TMEM198: variants seen among roughly 807,000 people sequenced by gnomAD.
The protein encoded by TMEM198 is transmembrane protein 198.
TMEM198 carries 21 observed loss-of-function variants against 31.5 expected under a neutral mutation model. That is an observed-to-expected ratio of 0.67 (90% CI 0.47 to 0.96). TMEM198 has a LOEUF of 0.96. Ranked by LOEUF, TMEM198 falls within the 40% of genes least tolerant of loss-of-function variation. The probability of loss-of-function intolerance (pLI) is 0.00; values close to 1 mark genes in which losing one functional copy is unlikely to be tolerated. For missense variants in TMEM198, 447 were observed against 499.4 expected (o/e 0.89, Z 1.00); for synonymous variants, 211 against 223.3 (o/e 0.95, Z 0.49).
At chr2:219,544,617 C>A in intron 1 of TMEM198, 72 bp from the exon 2 acceptor site, 1 of 1,317,792 alleles carries the variant, frequency 7.6e-7, no homozygotes, top group Non-Finnish European at 1.1e-6. Context: ...CTGAGTTCTC[C>A]CAATCCCTCT....
At position 219,550,113 on chromosome 2, in the gene TMEM198, G is replaced by A; in HGVS notation, c.*259G>A. The A allele has an allele frequency of 2.2e-6, 1 of 454,016 alleles. No individual in the cohort carries two copies. Among genetic ancestry groups the A allele is most frequent in the East Asian group, 3.5e-5 (1 of 28,528 alleles). The allele number at this position is 454,016 out of a possible 1,614,324, so 28.1% of individuals were successfully genotyped here. A position where few individuals can be genotyped will look rare whatever the true frequency, so the allele number is the denominator to read the frequency against. The stretch of plus-strand genomic sequence containing the variant: ...GCTCAGGGTTGTGAGTGTGTTGCCC[G>A]TGTGTCTGTGTGTATGTGTGTGGGG... On this transcript the variant is annotated 3_prime_UTR_variant, in exon 5 of 5. Transcript: ENST00000373883.
In TMEM198 at chr2:219,547,969, G is replaced by A; in HGVS notation, c.630G>A (p.Val210=). The A allele has an allele frequency of 1.3e-6, 2 of 1,588,518 alleles. No individual in the cohort carries two copies. The highest frequency in any genetic ancestry group is 1.1e-5 in the South Asian group (1 of 88,660). Residue 210 remains valine (V), a synonymous_variant, in exon 3 of 5, where the codon GTG becomes GTA. Transcript: ENST00000373883. ...TGGAGCGACTCCGGGCTGCTCCTGT[G>A]CCCCCACTCTGCTGGCGAAGCTGGG... ...YVVERLRAAP[V]PPLCWRSWAL...
At chr2:219,544,543 C>T (rs954862103) in intron 1 of TMEM198, 146 bp from the exon 2 acceptor site, 3 of 680,888 alleles carry the variant, frequency 4.4e-6, no homozygotes, top group Non-Finnish European at 7.4e-6. Context: ...TCTTTGCTCC[C>T]CACTCCAGAG....
At chr2:219,549,506 G>T in intron 4 of TMEM198, 152 bp downstream of exon 4, 1 of 1,252,640 alleles carries the variant, frequency 8.0e-7, no homozygotes, top group Non-Finnish European at 1.1e-6. Context: ...ATGCACCAGG[G>T]GCTTGGCGGG....
Position 219,549,810 on chromosome 2 carries a change from C to T in TMEM198, c.1039C>T (p.Arg347Trp), listed in dbSNP as rs200881491. ...AGATGCGGACTATGAGTATGGGTCC[C>T]GGGGACCTCTGACAGCCTGCTCAGG... The part of the protein sequence containing the change: ...PTDADYEYGS[R>W]GPLTACSGPP... Residue 347 changes from arginine (R) to tryptophan (W), a missense_variant, in exon 5 of 5, where the codon CGG (arginine) becomes TGG (tryptophan). Coordinates refer to ENST00000373883, the MANE Select transcript of TMEM198 (RefSeq NM_001005209.3). 1.4e-5 allele frequency: 22 copies of T among 1,614,058 alleles called. No homozygotes were observed. In the African/African-American group the frequency reaches 1.7e-4, roughly 13 times the overall value.
Position 219,544,039 on chromosome 2 carries a change from A to G in TMEM198, c.-378A>G, listed in dbSNP as rs1192971378. The G allele has an allele frequency of 8.2e-6, 3 of 367,148 alleles. No individual in the cohort carries two copies. Among genetic ancestry groups the G allele is most frequent in the African/African-American group, 6.4e-5 (3 of 46,756 alleles). 22.7% of individuals were successfully genotyped at this position (367,148 alleles called of 1,614,324 possible). A position where few individuals can be genotyped will look rare whatever the true frequency, so the allele number is the denominator to read the frequency against. On this transcript the variant is annotated 5_prime_UTR_variant, in exon 1 of 5. Coordinates refer to ENST00000373883, the MANE Select transcript of TMEM198 (RefSeq NM_001005209.3). ...GCGCCCTGAGTGACGTCAGGAGCAGAGGCCGGAGCTGTCCATCAGCACCAA... is the reference window on the plus strand; with the variant it reads ...GCGCCCTGAGTGACGTCAGGAGCAGGGGCCGGAGCTGTCCATCAGCACCAA...
chr2:219,544,267 G>T lies in TMEM198; in HGVS notation c.-150G>T, dbSNP rs918590740. 2.1e-6 allele frequency: 1 copy of T among 468,998 alleles called. No individual in the cohort carries two copies. The highest frequency in any genetic ancestry group is 4.4e-6 in the Non-Finnish European group (1 of 228,214). 29.1% of individuals were successfully genotyped at this position (468,998 alleles called of 1,614,324 possible). A position where few individuals can be genotyped will look rare whatever the true frequency, so the allele number is the denominator to read the frequency against. On this transcript the variant is annotated 5_prime_UTR_variant, in exon 1 of 5. An upstream open reading frame in the 5' UTR gains an earlier in-frame stop. Transcript: ENST00000373883. ...CCAGCAGCCCCCTTCCTCGCACGACGGACTTTCCCTGGACCCCAGTCAGTT... is the reference window on the plus strand; with the variant it reads ...CCAGCAGCCCCCTTCCTCGCACGACTGACTTTCCCTGGACCCCAGTCAGTT...
At position 219,550,030 on chromosome 2, in the gene TMEM198, CCTCCCAAG is replaced by C; in HGVS notation, c.*185_*192del. The C allele has an allele frequency of 1.2e-6, 1 of 854,412 alleles. No homozygotes were observed. 52.9% of individuals were successfully genotyped at this position (854,412 alleles called of 1,614,324 possible). A position where few individuals can be genotyped will look rare whatever the true frequency, so the allele number is the denominator to read the frequency against. On this transcript the variant is annotated 3_prime_UTR_variant, in exon 5 of 5. Coordinates refer to ENST00000373883, the MANE Select transcript of TMEM198 (RefSeq NM_001005209.3). ...GAGTCTTGGCCTGAGAGGAAAGCCC[CCTCCCAAG>C]CTCCCAAGAGGCTCCTGAGGAACTC...
At position 219,547,775 on chromosome 2, in the gene TMEM198, G is replaced by GT; in HGVS notation, c.437dup (p.Trp147ValfsTer43). On this transcript the variant is annotated frameshift_variant, in exon 3 of 5. Transcript: ENST00000373883. LOFTEE classifies it high-confidence loss of function. ...CGCACCCTACTACCAGCCAGGCTCC[G>GT]TGTGGGGTCCACTGGGGCTGTTGCT... 2.5e-6 allele frequency: 4 copies of GT among 1,594,136 alleles called. No individual in the cohort carries two copies. Among genetic ancestry groups the GT allele is most frequent in the Non-Finnish European group, 3.4e-6 (4 of 1,176,594 alleles).
intron 2 of TMEM198, chr2:219,547,262 C>A: frequency 2.5e-6 from 1 of 400,376 alleles, no homozygotes. Context: ...ATACATCAAC[C>A]CTCATGATCT....
In TMEM198 at chr2:219,544,099, T is replaced by A. The variant is rs761501307; in HGVS notation, c.-318T>A. On this transcript the variant is annotated 5_prime_UTR_variant, in exon 1 of 5. Coordinates refer to ENST00000373883, the MANE Select transcript of TMEM198 (RefSeq NM_001005209.3). ...GCGGGCTCAGGGCATGGGGCCGCGGTTCTGGGGCGGCCCGAGCCCCGGCTC... is the reference window on the plus strand; with the variant it reads ...GCGGGCTCAGGGCATGGGGCCGCGGATCTGGGGCGGCCCGAGCCCCGGCTC... The A allele has an allele frequency of 2.2e-6, 1 of 445,028 alleles. No homozygotes were observed. Among genetic ancestry groups the A allele is most frequent in the Non-Finnish European group, 4.5e-6 (1 of 221,558 alleles). 27.6% of individuals were successfully genotyped at this position (445,028 alleles called of 1,614,324 possible). A position where few individuals can be genotyped will look rare whatever the true frequency, so the allele number is the denominator to read the frequency against.
intron 2 of TMEM198, among the ~76,000 whole-genome samples, chr2:219,546,208 T>C (rs973972425): frequency 6.6e-6 from 1 of 152,188 alleles, no homozygotes; most frequent in Non-Finnish European, 1.5e-5. Context: ...TCTTTCTTTT[T>C]GGCTCTCTCT....
intron 2 of TMEM198, among the ~76,000 whole-genome samples, chr2:219,545,425 G>A (rs1175776933): frequency 7.9e-5 from 12 of 152,220 alleles, no homozygotes; most frequent in Admixed American, 7.8e-4. Context: ...CTACAAGGCA[G>A]GCTCCGGTAA....
Position 219,547,714 on chromosome 2 carries a change from C to G in TMEM198, c.375C>G (p.Leu125=). The G allele has an allele frequency of 6.3e-7, 1 of 1,578,836 alleles. No individual in the cohort carries two copies. The highest frequency in any genetic ancestry group is 8.6e-7 in the Non-Finnish European group (1 of 1,166,224). Residue 125 remains leucine, a synonymous_variant, in exon 3 of 5, where the codon CTC becomes CTG. Coordinates refer to ENST00000373883, the MANE Select transcript of TMEM198 (RefSeq NM_001005209.3). ...GCCTCTTCCTGGTGGGGCTGCTGCT[C>G]GGCCTGCTGCTCGCAGCTGCTGCCC... ...SVGLFLVGLL[L]GLLLAAAALL...
At chr2:219,547,196 A>C in intron 2 of TMEM198, 1 of 266,342 alleles carries the variant, frequency 3.8e-6, no homozygotes, top group Non-Finnish European at 7.1e-6. Context: ...CAAAGACACC[A>C]ATGCACGAAT....
chr2:219,549,171 C>G lies in TMEM198; in HGVS notation c.762C>G (p.Arg254=). ...CCACAGTGGTCATCAGCCGGCAGCGCCGACGCGTGCAACTGATGCGGATTC... is the reference window on the plus strand; with the variant it reads ...CCACAGTGGTCATCAGCCGGCAGCGGCGACGCGTGCAACTGATGCGGATTC... ...SHTEVVISRQ[R]RRVQLMRIRQ... The change falls in exon 4 of 5, where the codon CGC becomes CGG. Residue 254 remains arginine (R), a synonymous_variant. Coordinates refer to ENST00000373883, the MANE Select transcript of TMEM198 (RefSeq NM_001005209.3). The G allele has an allele frequency of 6.2e-7, 1 of 1,613,950 alleles. No homozygotes were observed. The highest frequency in any genetic ancestry group is 8.5e-7 in the Non-Finnish European group (1 of 1,180,020).
chr2:219,549,117 TC>T (rs1695468556), intron 3 of TMEM198, 34 bp from the exon 4 acceptor site: 2 of 1,611,660 alleles, frequency 1.2e-6, no homozygotes, highest in Admixed American at 3.3e-5. Flanking sequence ...AGGCGCACCG[TC>T]CTCTGAGCTC....
rs1021968141 is a variant in TMEM198, at chr2:219,544,094, C to A, written c.-323C>A. 4.6e-6 allele frequency: 2 copies of A among 436,986 alleles called. No homozygotes were observed. Among genetic ancestry groups the A allele is most frequent in the Non-Finnish European group, 9.2e-6 (2 of 217,632 alleles). The allele number at this position is 436,986 out of a possible 1,614,324, so 27.1% of individuals were successfully genotyped here. ...CGCGGGCGGGCTCAGGGCATGGGGC[C>A]GCGGTTCTGGGGCGGCCCGAGCCCC... On this transcript the variant is annotated 5_prime_UTR_variant, in exon 1 of 5. Transcript: ENST00000373883.
At chr2:219,543,718 T>G, upstream of TMEM198, 2 of 437,452 alleles carry the variant, frequency 4.6e-6, no homozygotes, top group Non-Finnish European at 7.9e-6. Flanking sequence ...CGCGCCTCGA[T>G]TCCCCTCCAG....
Sources: gnomAD v4.1 joint callset for allele counts (sites outside exome capture counted in the v4.1 genomes callset) on GRCh38, gnomAD v4.1.1 for gene constraint, MANE v1.5 for transcripts, NCBI Gene and HGNC (gene_info 2026-07-23, HGNC 2026-07-21) for gene names.